KALRN: variants seen among roughly 807,000 people sequenced by gnomAD.
KALRN encodes kalirin RhoGEF kinase.
KALRN carries 70 observed loss-of-function variants against 353.7 expected under a neutral mutation model. The observed-to-expected ratio is 0.20, with a 90% CI of 0.16 to 0.24. The LOEUF (loss-of-function observed/expected upper bound fraction) is 0.24. KALRN is among the 10% of genes least tolerant of loss of function. The pLI is 1.00. For synonymous variants in KALRN, 1,391 were observed against 1,434.8 expected, an observed-to-expected ratio of 0.97 and a Z score of 0.69; for missense variants, 2,791 against 3,756.7, an observed-to-expected ratio of 0.74 and a Z score of 6.72.
intron 5 of KALRN, among the ~76,000 whole-genome samples, chr3:124,296,996 G>A (rs902986599): frequency 6.6e-6 from 1 of 152,154 alleles, no homozygotes; most frequent in Non-Finnish European, 1.5e-5. Context: ...TTTTTGAGTT[G>A]TAATTTTAAT....
chr3:124,172,761 C>G (rs542403387), intron 1 of KALRN, among the ~76,000 whole-genome samples: 164 of 152,178 alleles, frequency 1.1e-3, no homozygotes, highest in Non-Finnish European at 1.9e-3. Context: ...TGTGTTGTGG[C>G]TCTGCTGTCC....
chr3:124,643,993 G>C (rs1371852787), intron 37 of KALRN, among the ~76,000 whole-genome samples: 1 of 152,096 alleles, frequency 6.6e-6, no homozygotes, highest in African/African-American at 2.4e-5. Context: ...CTAAAGAGTA[G>C]CTAAATGTAC....
chr3:124,152,266 C>A (rs2068216247), intron 1 of KALRN: 4 of 1,420,936 alleles, frequency 2.8e-6, no homozygotes, highest in East Asian at 2.3e-5. Context: ...ATTTGGGTAC[C>A]CCTATGCAAT....
At chr3:124,514,599 A>T (rs915170438) in intron 33 of KALRN, among the ~76,000 whole-genome samples, 3 of 152,160 alleles carry the variant, frequency 2.0e-5, no homozygotes, top group Non-Finnish European at 4.4e-5. Context: ...CATTTTGCAG[A>T]TGAGGAAAAC....
chr3:124,211,910 T>G (rs1430227367), intron 1 of KALRN, among the ~76,000 whole-genome samples: 1 of 152,168 alleles, frequency 6.6e-6, no homozygotes, highest in East Asian at 1.9e-4. Context: ...TGGGAAGGCT[T>G]CCTGGAGGAA....
rs183350286 is a variant in KALRN, at chr3:124,207,903, C to T, written c.74-20087C>T. Among the ~76,000 whole-genome samples the T allele has an allele frequency of 4.9e-4, 75 of 152,292 alleles. 1 individual carries two copies. In the East Asian group the frequency reaches 0.013, roughly 26 times the overall value. ...GGGAAGGCAGGAGCTGAAAAGTGGG[C>T]TCATGTGATGCTTGATTGTGTTCTG... On this transcript the variant is annotated intron_variant, in intron 1 of 59. Transcript: ENST00000682506.
intron 33 of KALRN, among the ~76,000 whole-genome samples, chr3:124,559,798 C>T (rs115004276): frequency 0.011 from 1,621 of 152,280 alleles, 10 homozygotes; most frequent in Non-Finnish European, 0.017. Flanking sequence ...CTTTGGAATT[C>T]GCTTCTTGCC....
chr3:124,567,974 CA>C (rs994684787), intron 34 of KALRN, among the ~76,000 whole-genome samples: 5 of 150,108 alleles, frequency 3.3e-5, no homozygotes, highest in African/African-American at 1.2e-4. Context: ...GACTCTATCT[CA>C]GGGGGAAAAA....
Position 124,610,750 on chromosome 3 carries a change from A to C in KALRN, c.5183-21670A>C, listed in dbSNP as rs766063704. 7.8e-4 allele frequency among the ~76,000 whole-genome samples: 118 copies of C among 152,056 alleles called. 2 individuals are homozygous for C. Among genetic ancestry groups the C allele is most frequent in the Non-Finnish European group, 2.5e-4 (17 of 68,000 alleles). ...GCTTGACTAGGCAGGGTGGCTTACAACTGTAAGCCCAGCACTTTGGGAGGC... is the reference window on the plus strand; with the variant it reads ...GCTTGACTAGGCAGGGTGGCTTACACCTGTAAGCCCAGCACTTTGGGAGGC... On this transcript the variant is annotated intron_variant, in intron 34 of 59. Transcript: ENST00000682506.
chr3:124,330,246 TCACACACACACACACA>T (rs774251256), intron 8 of KALRN, among the ~76,000 whole-genome samples: 17 of 134,386 alleles, frequency 1.3e-4, no homozygotes, highest in East Asian at 6.7e-4. Context: ...TCTCTCTCTC[TCACACACACACACACA>T]CACACACACA....
intron 5 of KALRN, among the ~76,000 whole-genome samples, chr3:124,298,197 C>A (rs2076992584): frequency 6.6e-6 from 1 of 152,144 alleles, no homozygotes. Flanking sequence ...TGGCTTAATG[C>A]CCACTGTGCT....
chr3:124,233,917 T>A (rs1294051243), intron 2 of KALRN, among the ~76,000 whole-genome samples: 1 of 152,234 alleles, frequency 6.6e-6, no homozygotes, highest in Non-Finnish European at 1.5e-5. Context: ...CCTTAACTTT[T>A]TTCCTGTTTA....
At position 124,270,824 on chromosome 3, in the gene KALRN, G is replaced by GTTTTTTTTTTTTTTTTTTTT. The variant is rs777615656; in HGVS notation, c.969+1573_969+1592dup. Among the ~76,000 whole-genome samples the GTTTTTTTTTTTTTTTTTTTT allele has an allele frequency of 4.1e-4, 32 of 78,644 alleles. 2 individuals carry two copies. The highest frequency in any genetic ancestry group is 9.8e-4 in the African/African-American group (19 of 19,368). The allele number at this position is 78,644 out of a possible 152,430, so 51.6% of individuals were successfully genotyped here. ...TTTTCTTTGTTTATTTTTTTGTTTT[G>GTTTTTTTTTTTTTTTTTTTT]TTTTTTTTTTTTTTTTTTTTTTTGA... is the stretch of plus-strand genomic sequence containing the variant. On this transcript the variant is annotated intron_variant, in intron 5 of 59. Coordinates refer to ENST00000682506, the MANE Select transcript of KALRN (RefSeq NM_001388419.1).
intron 34 of KALRN, among the ~76,000 whole-genome samples, chr3:124,564,505 C>A (rs182877052): frequency 6.6e-6 from 1 of 151,146 alleles, no homozygotes; most frequent in South Asian, 2.1e-4. Flanking sequence ...GTGAGACCCC[C>A]ATCTCTACAA....
At position 124,323,165 on chromosome 3, in the gene KALRN, G is replaced by T. The variant is rs560801152; in HGVS notation, c.1093-2815G>T. ...GTCTTTTTTTGTTTATTTGCTTTTA[G>T]TTTTAATCTATGATCACAGGCTTAG... On this transcript the variant is annotated intron_variant, in intron 6 of 59. Coordinates refer to ENST00000682506, the MANE Select transcript of KALRN (RefSeq NM_001388419.1). Among the ~76,000 whole-genome samples, 45 of 152,262 alleles carry T rather than the reference G, an allele frequency of 3.0e-4. No individual in the cohort carries two copies. In the South Asian group the frequency reaches 5.8e-3, roughly 20 times the overall value.
In KALRN at chr3:124,666,988, A is replaced by G. The variant is rs114624298; in HGVS notation, c.6532-24A>G. 3.1e-3 allele frequency: 4,822 copies of G among 1,573,204 alleles called. 149 individuals carry two copies. The African/African-American group carries it at 0.058, about 19-fold the overall frequency. ...TTTTAAAAAATCTTTTAAATGTAAA[A>G]AGGATCAACTCGTTTTCTTCCAGAT... On this transcript the variant is annotated intron_variant, in intron 46 of 59. Coordinates refer to ENST00000682506, the MANE Select transcript of KALRN (RefSeq NM_001388419.1).
chr3:124,241,996 G>C (rs192226970), intron 3 of KALRN, among the ~76,000 whole-genome samples: 28 of 152,316 alleles, frequency 1.8e-4, no homozygotes, highest in African/African-American at 6.5e-4. Flanking sequence ...AGTCTTTTGG[G>C]AGAATGGCAG....
intron 1 of KALRN, among the ~76,000 whole-genome samples, chr3:124,071,120 T>C (rs1396005734): frequency 6.6e-6 from 1 of 152,166 alleles, no homozygotes; most frequent in Admixed American, 6.6e-5. Context: ...GCCTTGTGCC[T>C]GATTAGATGA....
intron 10 of KALRN, among the ~76,000 whole-genome samples, chr3:124,359,784 G>A (rs974936867): frequency 3.3e-5 from 5 of 152,178 alleles, no homozygotes; most frequent in African/African-American, 1.2e-4. Flanking sequence ...TGGTGCTGGT[G>A]GCTGGTAATA....
Sources: gnomAD v4.1 joint callset for allele counts (sites outside exome capture counted in the v4.1 genomes callset) on GRCh38, gnomAD v4.1.1 for gene constraint, MANE v1.5 for transcripts, NCBI Gene and HGNC (gene_info 2026-07-23, HGNC 2026-07-21) for gene names.